The following CAMTA1 variants were observed in gnomAD, a reference collection of about 807,000 sequenced individuals.
CAMTA1 encodes calmodulin binding transcription activator 1, also known as calmodulin-binding transcription activator 1.
Under a neutral mutation model 170.9 loss-of-function variants are expected in CAMTA1, and 27 were observed. That is an observed-to-expected ratio of 0.16 (90% CI 0.12 to 0.22). CAMTA1 has a LOEUF of 0.22. CAMTA1 is among the 10% of genes least tolerant of loss of function. CAMTA1 has a pLI of 1.00. For missense variants in CAMTA1, 1,619 were observed against 2,217.2 expected, an observed-to-expected ratio of 0.73 and a Z score of 5.42; for synonymous variants, 833 against 891.5, an observed-to-expected ratio of 0.93 and a Z score of 1.17.
intron 11 of CAMTA1, among the ~76,000 whole-genome samples, chr1:7,697,237 G>A (rs2149462046): frequency 6.6e-6 from 1 of 152,094 alleles, no homozygotes; most frequent in African/African-American, 2.4e-5. Flanking sequence ...TGATTTCCGG[G>A]TTCTATCCCC....
At chr1:7,471,192 GCT>G (rs2093324116) in intron 6 of CAMTA1, among the ~76,000 whole-genome samples, 1 of 152,306 alleles carries the variant, frequency 6.6e-6, no homozygotes, top group African/African-American at 2.4e-5. Flanking sequence ...TGTCTTTCAG[GCT>G]CTCTGTCTCT....
intron 16 of CAMTA1, among the ~76,000 whole-genome samples, chr1:7,743,540 T>C (rs909929785): frequency 1.1e-4 from 16 of 152,094 alleles, no homozygotes; most frequent in Non-Finnish European, 1.5e-4. Flanking sequence ...GGTTTGCTTT[T>C]TCTAGACATT....
chr1:7,640,603 C>T, intron 7 of CAMTA1, 50 bp downstream of exon 7: 1 of 1,610,684 alleles, frequency 6.2e-7, no homozygotes, highest in Non-Finnish European at 8.5e-7. Context: ...ACCAGGCTGG[C>T]ATCAACCAGG....
At chr1:7,246,271 G>C (rs961478837) in intron 4 of CAMTA1, among the ~76,000 whole-genome samples, 3 of 152,198 alleles carry the variant, frequency 2.0e-5, no homozygotes, top group African/African-American at 4.8e-5. Context: ...TACCTCATAG[G>C]GTGGGTGCAA....
chr1:7,211,354 A>G (rs1658719770), intron 4 of CAMTA1, among the ~76,000 whole-genome samples: 1 of 152,250 alleles, frequency 6.6e-6, no homozygotes, highest in African/African-American at 2.4e-5. Context: ...GTTGTAGAGC[A>G]TTGCAGCCAG....
At chr1:7,288,395 A>T (rs1672648716) in intron 5 of CAMTA1, among the ~76,000 whole-genome samples, 1 of 152,188 alleles carries the variant, frequency 6.6e-6, no homozygotes, top group Non-Finnish European at 1.5e-5. Flanking sequence ...GAAGTTTCAG[A>T]ATTAATGTCA....
At chr1:7,358,509 A>G (rs2085298630) in intron 5 of CAMTA1, among the ~76,000 whole-genome samples, 1 of 151,642 alleles carries the variant, frequency 6.6e-6, no homozygotes, top group Admixed American at 6.6e-5. Context: ...TCCGGTGCGG[A>G]GCCTCCCTTC....
chr1:6,879,400 T>C (rs1346784333), intron 3 of CAMTA1, among the ~76,000 whole-genome samples: 1 of 152,210 alleles, frequency 6.6e-6, no homozygotes, highest in Non-Finnish European at 1.5e-5. Flanking sequence ...CAATTAAATC[T>C]TAGCTGCTCT....
At chr1:7,429,889 T>C (rs971680299) in intron 5 of CAMTA1, among the ~76,000 whole-genome samples, 4 of 150,184 alleles carry the variant, frequency 2.7e-5, no homozygotes, top group African/African-American at 7.4e-5. Flanking sequence ...GAAAAGAGAG[T>C]GGGGGAGGTG....
chr1:7,104,007 A>G (rs1045126256), intron 4 of CAMTA1, among the ~76,000 whole-genome samples: 2 of 137,658 alleles, frequency 1.5e-5, no homozygotes, highest in African/African-American at 3.5e-5. Context: ...TGAACACAAC[A>G]CACTACACAC....
chr1:7,352,181 G>A (rs1338678788), intron 5 of CAMTA1, among the ~76,000 whole-genome samples: 1 of 145,708 alleles, frequency 6.9e-6, no homozygotes, highest in Non-Finnish European at 1.5e-5. Flanking sequence ...GAGGAAGTGG[G>A]CGGGGGGAAG....
intron 3 of CAMTA1, among the ~76,000 whole-genome samples, chr1:6,989,931 T>TG (rs2100402058): frequency 6.6e-6 from 1 of 152,174 alleles, no homozygotes; most frequent in African/African-American, 2.4e-5. Flanking sequence ...GCAAGGAGAA[T>TG]GGGGGAGTGG....
At position 7,560,401 on chromosome 1, in the gene CAMTA1, C is replaced by T. The variant is rs151099838; in HGVS notation, c.511-79999C>T. On this transcript the variant is annotated intron_variant, in intron 6 of 22. Coordinates refer to ENST00000303635, the MANE Select transcript of CAMTA1 (RefSeq NM_015215.4). Reference sequence around the variant, plus strand: ...CTGAGCAGAGTCTAACAGGTCTCTGCGGCAGCATGGGCTGGGAGCTGGAGC... The same window carrying T: ...CTGAGCAGAGTCTAACAGGTCTCTGTGGCAGCATGGGCTGGGAGCTGGAGC... Among the ~76,000 whole-genome samples the T allele has an allele frequency of 5.1e-3, 773 of 152,360 alleles. 8 individuals carry two copies. The highest frequency in any genetic ancestry group is 0.018 in the African/African-American group (729 of 41,580).
chr1:7,021,210 C>T (rs927564877), intron 3 of CAMTA1, among the ~76,000 whole-genome samples: 1 of 152,212 alleles, frequency 6.6e-6, no homozygotes, highest in Non-Finnish European at 1.5e-5. Context: ...CTGAACGTGG[C>T]CGTGATGAAT....
At position 7,641,950 on chromosome 1, in the gene CAMTA1, C is replaced by A. The variant is rs1428156638; in HGVS notation, c.664+1397C>A. On this transcript the variant is annotated intron_variant, in intron 7 of 22. Coordinates refer to ENST00000303635, the MANE Select transcript of CAMTA1 (RefSeq NM_015215.4). The surrounding 1 kb of genome is among the most constrained non-coding windows in gnomAD (Gnocchi z 4.5). The stretch of plus-strand genomic sequence containing the variant: ...CTCCTGAGCACAGCCTGCAGCCCCC[C>A]CACCCGCAGCCCCCGGCCTCTGCAG... Among the ~76,000 whole-genome samples, 2 of 152,108 alleles carry A rather than the reference C, an allele frequency of 1.3e-5. No homozygotes were observed. Among genetic ancestry groups the A allele is most frequent in the African/African-American group, 2.4e-5 (1 of 41,388 alleles).
intron 10 of CAMTA1, among the ~76,000 whole-genome samples, chr1:7,676,076 C>T (rs559897030): frequency 5.3e-5 from 8 of 152,350 alleles, no homozygotes; most frequent in Non-Finnish European, 1.0e-4. Context: ...AAGGAGGCTG[C>T]TAAGAGGAGC....
chr1:7,091,220 C>T lies in CAMTA1; in HGVS notation c.235-84C>T, dbSNP rs994215721. 50 of 912,640 alleles carry T rather than the reference C, an allele frequency of 5.5e-5. No homozygotes were observed. In the Middle Eastern group the frequency reaches 1.3e-3, roughly 24 times the overall value. 56.5% of individuals were successfully genotyped at this position (912,640 alleles called of 1,614,324 possible). ...CCAGGCTCGCAAATGAAAACAGCAG[C>T]TGGGAAACAGCAAAAACTTTCTTAC... On this transcript the variant is annotated intron_variant, in intron 3 of 22. Coordinates refer to ENST00000303635, the MANE Select transcript of CAMTA1 (RefSeq NM_015215.4).
At chr1:7,191,308 C>A (rs573035311) in intron 4 of CAMTA1, among the ~76,000 whole-genome samples, 96 of 152,330 alleles carry the variant, frequency 6.3e-4, no homozygotes, top group Non-Finnish European at 1.1e-3. Context: ...CTGTTGAATT[C>A]TCTAATTCTG....
chr1:7,464,717 G>A (rs575971804), intron 5 of CAMTA1, among the ~76,000 whole-genome samples: 43 of 152,200 alleles, frequency 2.8e-4, no homozygotes, highest in African/African-American at 8.7e-4. Flanking sequence ...GTCCCCTTCC[G>A]GTGACAATCA....
Sources: gnomAD v4.1 joint callset for allele counts (sites outside exome capture counted in the v4.1 genomes callset) on GRCh38, gnomAD v4.1.1 for gene constraint, Gnocchi (gnomAD v3.1) non-coding constraint, MANE v1.5 for transcripts, NCBI Gene and HGNC (gene_info 2026-07-23, HGNC 2026-07-21) for gene names.